ESR1: variants seen among roughly 807,000 people sequenced by gnomAD.
The protein encoded by ESR1 is estrogen receptor 1, also known as estrogen receptor.
ESR1 carries 12 observed loss-of-function variants against 52.7 expected under a neutral mutation model. That is an observed-to-expected ratio of 0.23 (90% confidence interval 0.15 to 0.37). ESR1 has a LOEUF of 0.37. Ranked by LOEUF, ESR1 falls within the 10% of genes least tolerant of loss-of-function variation. ESR1 has a pLI of 1.00. For missense variants in ESR1, 584 were observed against 779.7 expected (o/e 0.75, Z 2.99); for synonymous variants, 305 against 316.8 (o/e 0.96, Z 0.39).
chr6:151,808,814 T>C (rs367896705), intron 1 of ESR1, among the ~76,000 whole-genome samples: 8 of 152,196 alleles, frequency 5.3e-5, no homozygotes, highest in African/African-American at 1.7e-4. Context: ...TTATTTATCC[T>C]TTTAATGTTT....
upstream of ESR1, among the ~76,000 whole-genome samples, chr6:151,690,009 G>A (rs1187029034): frequency 1.3e-5 from 2 of 152,186 alleles, no homozygotes; most frequent in Non-Finnish European, 2.9e-5. Context: ...AGGAAGGGCT[G>A]AAGAGTGTGA....
At position 152,098,900 on chromosome 6, in the gene ESR1, T is replaced by C; in HGVS notation, c.1722T>C (p.Thr574=). The part of the protein sequence containing the change: ...DQSHLATAGS[T]SSHSLQKYYI... ...GCCACTTGGCCACTGCGGGCTCTAC[T>C]TCATCGCATTCCTTGCAAAAGTATT... The change falls in exon 8 of 8, where the codon ACT becomes ACC. Residue 574 remains threonine, a synonymous_variant. Transcript: ENST00000206249. The surrounding 1 kb of genome is among the most constrained non-coding windows in gnomAD (Gnocchi z 5.1). 1.9e-6 allele frequency: 3 copies of C among 1,614,194 alleles called. No individual in the cohort carries two copies. The highest frequency in any genetic ancestry group is 2.2e-5 in the South Asian group (2 of 91,086).
At chr6:152,041,256 A>C (rs1355415278) in intron 5 of ESR1, among the ~76,000 whole-genome samples, 1 of 152,192 alleles carries the variant, frequency 6.6e-6, no homozygotes, top group Non-Finnish European at 1.5e-5. Flanking sequence ...TGGATCTGCC[A>C]GGTCATATGG....
intron 2 of ESR1, among the ~76,000 whole-genome samples, chr6:151,749,144 G>GA (rs1178306039): frequency 3.3e-5 from 4 of 121,002 alleles, no homozygotes; most frequent in South Asian, 5.3e-4. Context: ...AAGCTACTGT[G>GA]AAAAAAAAGG....
chr6:151,926,132 A>T (rs186315561), intron 3 of ESR1, among the ~76,000 whole-genome samples: 4 of 152,256 alleles, frequency 2.6e-5, no homozygotes, highest in Admixed American at 1.3e-4. Context: ...TTTGTCAAAG[A>T]TCAGTTGACC....
chr6:151,933,599 G>A (rs1354387524), intron 3 of ESR1, among the ~76,000 whole-genome samples: 3 of 152,012 alleles, frequency 2.0e-5, no homozygotes, highest in African/African-American at 4.8e-5. Context: ...GTTTGTCATA[G>A]ATAGCTCTTA....
intron 4 of ESR1, among the ~76,000 whole-genome samples, chr6:151,974,038 T>C (rs2039186082): frequency 6.6e-6 from 1 of 152,194 alleles, no homozygotes; most frequent in Non-Finnish European, 1.5e-5. Flanking sequence ...TAAATGAATG[T>C]GCATGGCTGT....
intron 1 of ESR1, among the ~76,000 whole-genome samples, chr6:151,683,449 T>C (rs1161652205): frequency 6.7e-6 from 1 of 148,840 alleles, no homozygotes; most frequent in Non-Finnish European, 1.5e-5. Context: ...AAATGGAGAT[T>C]CATTTGATCA....
In ESR1 at chr6:152,039,812, A is replaced by G. The variant is rs140595378; in HGVS notation, c.1236-21179A>G. Among the ~76,000 whole-genome samples, 13 of 152,338 alleles carry G rather than the reference A, an allele frequency of 8.5e-5. No homozygotes were observed. The East Asian group carries it at 1.5e-3, about 18-fold the overall frequency. ...CTTCAAAAGGCCATTCCACCGTTCT[A>G]TCAATCCGGCTGCTTCAGGATGATG... On this transcript the variant is annotated intron_variant, in intron 5 of 7. Transcript: ENST00000206249.
At chr6:151,704,886 G>A (rs933531696) in intron 2 of ESR1, among the ~76,000 whole-genome samples, 1 of 151,620 alleles carries the variant, frequency 6.6e-6, no homozygotes, top group Non-Finnish European at 1.5e-5. Flanking sequence ...TCAAGGTCTT[G>A]GTCCCTGTAA....
intron 2 of ESR1, among the ~76,000 whole-genome samples, chr6:151,708,988 C>T (rs1018897954): frequency 1.3e-5 from 2 of 151,922 alleles, no homozygotes; most frequent in African/African-American, 4.8e-5. Flanking sequence ...CACTTAAAAC[C>T]TCTCAGCATT....
intron 2 of ESR1, among the ~76,000 whole-genome samples, chr6:151,756,936 G>T (rs1415911372): frequency 1.3e-5 from 2 of 152,192 alleles, no homozygotes; most frequent in African/African-American, 4.8e-5. Flanking sequence ...GTTGCAGTGA[G>T]CCGGCATTGA....
chr6:151,828,006 T>C (rs1327463811), intron 1 of ESR1, among the ~76,000 whole-genome samples: 1 of 152,238 alleles, frequency 6.6e-6, no homozygotes, highest in Non-Finnish European at 1.5e-5. Flanking sequence ...ATTATTTACA[T>C]ATTATGTAAC....
At chr6:151,931,150 CT>C (rs540126830) in intron 3 of ESR1, among the ~76,000 whole-genome samples, 1,538 of 151,480 alleles carry the variant, frequency 0.01, 18 homozygotes, top group African/African-American at 0.036. Flanking sequence ...CTTCGCCTTT[CT>C]TTTTTTTTCT....
intron 6 of ESR1, chr6:152,122,087 TGCCC>T: frequency 1.1e-5 from 4 of 360,478 alleles, no homozygotes; most frequent in East Asian, 6.5e-5. Context: ...ATGGGAAAGC[TGCCC>T]AGATGGTCTA....
intron 2 of ESR1, among the ~76,000 whole-genome samples, chr6:151,859,005 T>C (rs1788395331): frequency 6.6e-6 from 1 of 152,214 alleles, no homozygotes; most frequent in East Asian, 1.9e-4. Context: ...AGCATTCTTC[T>C]AAGAAAAACT....
At chr6:152,121,168 T>C (rs1158281783) in intron 6 of ESR1, among the ~76,000 whole-genome samples, 1 of 152,206 alleles carries the variant, frequency 6.6e-6, no homozygotes, top group African/African-American at 2.4e-5. Context: ...CATCACATAA[T>C]TCCATGAAGT....
In ESR1 at chr6:151,680,455, C is replaced by T. The variant is rs552491405; in HGVS notation, n.74-21420C>T. 9.2e-5 allele frequency among the ~76,000 whole-genome samples: 14 copies of T among 152,282 alleles called. No individual in the cohort carries two copies. In the South Asian group the frequency reaches 2.1e-3, roughly 23 times the overall value. ...CTGACCTCAAGTGATCCACCTACCT[C>T]GACCTCCCAAAATGCTGGGGGGTCG... On this transcript the variant is annotated intron_variant and non_coding_transcript_variant, in intron 1 of 2. Coordinates refer to the ESR1 transcript ENST00000473497.
At chr6:152,022,220 A>T (rs1038962113) in intron 5 of ESR1, among the ~76,000 whole-genome samples, 4 of 152,158 alleles carry the variant, frequency 2.6e-5, no homozygotes, top group Non-Finnish European at 5.9e-5. Flanking sequence ...AGCATGCTTA[A>T]TTCAGAGTGT....
Sources: gnomAD v4.1 joint callset for allele counts (sites outside exome capture counted in the v4.1 genomes callset) on GRCh38, gnomAD v4.1.1 for gene constraint, Gnocchi (gnomAD v3.1) non-coding constraint, MANE v1.5 for transcripts, NCBI Gene and HGNC (gene_info 2026-07-23, HGNC 2026-07-21) for gene names.